RAET1E: variants seen among roughly 807,000 people sequenced by gnomAD.
RAET1E encodes the protein NKG2D ligand 4.
A neutral mutation model predicts 21.1 loss-of-function variants in RAET1E; 27 were observed. That is an observed-to-expected ratio of 1.28 (90% CI 0.94 to 1.76). RAET1E has a LOEUF of 1.76. Among genes scored for constraint, RAET1E ranks in the 40% most tolerant of loss-of-function variants. The pLI is 0.00. For synonymous variants in RAET1E, 113 were observed against 115.0 expected (o/e 0.98, Z 0.11); for missense variants, 310 against 311.3 (o/e 1.00, Z 0.03).
chr6:149,889,734 A>C (rs72997552), intron 4 of RAET1E, 111 bp from the exon 5 acceptor site: 33 of 1,503,948 alleles, frequency 2.2e-5, no homozygotes, highest in Non-Finnish European at 2.9e-5. Context: ...TTCTGCCCAG[A>C]CTTGCCCTTT....
At chr6:149,895,557 C>T (rs907652017) in intron 2 of RAET1E, 10 of 152,242 alleles carry the variant, frequency 6.6e-5, no homozygotes, top group African/African-American at 2.2e-4. Flanking sequence ...TTGTAATAGA[C>T]TCCAGCAGTC....
chr6:149,888,727 A>C, intron 5 of RAET1E, 60 bp from the exon 6 acceptor site: 1 of 1,533,444 alleles, frequency 6.5e-7, no homozygotes. Flanking sequence ...AAAAAAAAGC[A>C]TAAAAATATG....
intron 1 of RAET1E, among the ~76,000 whole-genome samples, chr6:149,896,870 G>T (rs7755896): frequency 0.013 from 1,929 of 152,152 alleles, 35 homozygotes; most frequent in African/African-American, 0.044. Flanking sequence ...TATACAGAAA[G>T]GGGAAAGGGG....
In RAET1E at chr6:149,888,391, T is replaced by A. The variant is rs141029103; in HGVS notation, c.*107A>T. The A allele has an allele frequency of 9.0e-5, 120 of 1,340,532 alleles. No homozygotes were observed. Among genetic ancestry groups the A allele is most frequent in the Non-Finnish European group, 1.2e-4 (112 of 959,580 alleles). The allele number at this position is 1,340,532 out of a possible 1,614,324, so 83.0% of individuals were successfully genotyped here. ...GTGCTGCCAGCCCTGCTGTGTAGTGTGGGGGCTCAAGACTAAGGCAGTGCA... is the reference window on the plus strand; with the variant it reads ...GTGCTGCCAGCCCTGCTGTGTAGTGAGGGGGCTCAAGACTAAGGCAGTGCA... On this transcript the variant is annotated 3_prime_UTR_variant, in exon 6 of 6. Coordinates refer to ENST00000357183, the MANE Select transcript of RAET1E (RefSeq NM_001394057.1).
Position 149,885,181 on chromosome 6 carries a change from T to C in RAET1E, c.*3317A>G, listed in dbSNP as rs960981246. ...AATTGTGTCTTGCCCACCCTCTGTG[T>C]TTCTGTCCATCAGACCACCCATCAC... On this transcript the variant is annotated 3_prime_UTR_variant, in exon 6 of 6. Coordinates refer to ENST00000357183, the MANE Select transcript of RAET1E (RefSeq NM_001394057.1). 6.6e-6 allele frequency among the ~76,000 whole-genome samples: 1 copy of C among 152,128 alleles called. No homozygotes were observed. Among genetic ancestry groups the C allele is most frequent in the Non-Finnish European group, 1.5e-5 (1 of 68,010 alleles).
chr6:149,890,930 G>C lies in RAET1E; in HGVS notation c.-29C>G. 1 of 1,487,030 alleles carries C rather than the reference G, an allele frequency of 6.7e-7. No homozygotes were observed. The highest frequency in any genetic ancestry group is 9.4e-7 in the Non-Finnish European group (1 of 1,066,122). 92.1% of individuals were successfully genotyped at this position (1,487,030 alleles called of 1,614,324 possible). A position where few individuals can be genotyped will look rare whatever the true frequency, so the allele number is the denominator to read the frequency against. Reference sequence around the variant, plus strand: ...GTGGAGAGTAACAGGCAGGAAGCTGGGCGTGTACACATTCACCCTCACTGG... The same window carrying C: ...GTGGAGAGTAACAGGCAGGAAGCTGCGCGTGTACACATTCACCCTCACTGG... On this transcript the variant is annotated 5_prime_UTR_variant, in exon 3 of 6. Transcript: ENST00000357183.
chr6:149,889,812 C>G (rs569948900), intron 4 of RAET1E, 73 bp downstream of exon 4: 1 of 1,548,426 alleles, frequency 6.5e-7, no homozygotes, highest in Non-Finnish European at 8.8e-7. Flanking sequence ...TACCTAAAGC[C>G]CCTCCCCATC....
At position 149,885,942 on chromosome 6, in the gene RAET1E, A is replaced by C. The variant is rs1413099009; in HGVS notation, c.*2556T>G. 6.6e-6 allele frequency among the ~76,000 whole-genome samples: 1 copy of C among 152,220 alleles called. No homozygotes were observed. The highest frequency in any genetic ancestry group is 1.5e-5 in the Non-Finnish European group (1 of 68,036). On this transcript the variant is annotated 3_prime_UTR_variant, in exon 6 of 6. Coordinates refer to ENST00000357183, the MANE Select transcript of RAET1E (RefSeq NM_001394057.1). ...AATTTTTCTGTGGTCAGAGTTTCTG[A>C]GCTACGAGTGGGGGTAGTTAATTCT...
At position 149,888,676 on chromosome 6, in the gene RAET1E, A is replaced by AAAAG; in HGVS notation, c.623-10_623-9insCTTT. ...AGCATTTACTGGTGACACTAAAAAA[A>AAAAG]AAAAAAAAAAGAAAAAAAAGCACAA... On this transcript the variant is annotated splice_polypyrimidine_tract_variant and intron_variant, in intron 5 of 5. Coordinates refer to ENST00000357183, the MANE Select transcript of RAET1E (RefSeq NM_001394057.1). The AAAAG allele has an allele frequency of 6.4e-7, 1 of 1,558,874 alleles. No homozygotes were observed. The highest frequency in any genetic ancestry group is 8.6e-7 in the Non-Finnish European group (1 of 1,164,854).
At position 149,883,918 on chromosome 6, in the gene RAET1E, A is replaced by G. The variant is rs2225697; in HGVS notation, c.*4580T>C. On this transcript the variant is annotated 3_prime_UTR_variant, in exon 6 of 6. Transcript: ENST00000357183. ...AAACTGCCTCACAAATGATTATACTACCTCTCAAATAATTTCCAACAACTC... is the reference window on the plus strand; with the variant it reads ...AAACTGCCTCACAAATGATTATACTGCCTCTCAAATAATTTCCAACAACTC... 0.048 allele frequency: 7,345 copies of G among 153,322 alleles called. 621 individuals carry two copies. The highest frequency in any genetic ancestry group is 0.17 in the African/African-American group (6,928 of 41,488). The allele number at this position is 153,322 out of a possible 1,614,324, so 9.5% of individuals were successfully genotyped here.
At chr6:149,897,854 C>G (rs542454347) in intron 1 of RAET1E, among the ~76,000 whole-genome samples, 167 bp downstream of exon 1, 1 of 152,094 alleles carries the variant, frequency 6.6e-6, no homozygotes, top group East Asian at 1.9e-4. Flanking sequence ...CCTTATCCAG[C>G]GTCCCCGCCG....
chr6:149,889,970 C>T lies in RAET1E; in HGVS notation c.261G>A (p.Trp87Ter), dbSNP rs1308105268. 1 of 1,614,140 alleles carries T rather than the reference C, an allele frequency of 6.2e-7. No homozygotes were observed. Among genetic ancestry groups the T allele is most frequent in the African/African-American group, 1.3e-5 (1 of 75,020 alleles). The part of the protein sequence containing the change: ...LGKKVYATST[W>*]GELTQTLGEV... ...CTCCCAGCGTTTGGGTCAATTCTCC[C>T]CAAGTGCTGGTGGCATATACCTTCT... Residue 87 changes from tryptophan (W) to a stop codon, truncating the protein, a stop_gained, in exon 4 of 6, where the codon TGG (tryptophan) becomes TGA (stop). Transcript: ENST00000357183. LOFTEE classifies it high-confidence loss of function.
rs766169425 is a variant in RAET1E, at chr6:149,885,088, A to T, written c.*3410T>A. On this transcript the variant is annotated 3_prime_UTR_variant, in exon 6 of 6. Coordinates refer to ENST00000357183, the MANE Select transcript of RAET1E (RefSeq NM_001394057.1). ...TAGGAATTAAACCTAGAGACCCCTC[A>T]ACCTTTGGCATGTGATATACTTTCC... Among the ~76,000 whole-genome samples, 1 of 152,106 alleles carries T rather than the reference A, an allele frequency of 6.6e-6. No individual in the cohort carries two copies. The highest frequency in any genetic ancestry group is 1.5e-5 in the Non-Finnish European group (1 of 68,014).
At chr6:149,889,647 C>T (rs1313510786) in intron 4 of RAET1E, 24 bp from the exon 5 acceptor site, 1 of 1,611,848 alleles carries the variant, frequency 6.2e-7, no homozygotes, top group Admixed American at 1.7e-5. Flanking sequence ...ACAAAGCCAT[C>T]ATCCTCCACT....
chr6:149,889,063 T>A, intron 5 of RAET1E: 1 of 1,376,186 alleles, frequency 7.3e-7, no homozygotes, highest in Non-Finnish European at 9.4e-7. Context: ...AAGGCCTGGA[T>A]GTTTGCAATG....
rs984109810 is a variant in RAET1E, at chr6:149,890,832, A to G, written c.70T>C (p.Leu24=). 6.2e-7 allele frequency: 1 copy of G among 1,612,434 alleles called. No homozygotes were observed. The change falls in exon 3 of 6, where the codon TTG becomes CTG. Residue 24 remains leucine (L), a synonymous_variant. Coordinates refer to ENST00000357183, the MANE Select transcript of RAET1E (RefSeq NM_001394057.1). ...GGACACTCACCAACCATGATCTCCA[A>G]GGCTATTAGTAGCAACAGCAGAAAC... ...LLFLLLLLIA[L]EIMVGGHSLC...
chr6:149,884,481 A>G lies in RAET1E; in HGVS notation c.*4017T>C, dbSNP rs1278582439. ...GTGAACAACTCTGCGCCGCCGTGGT[A>G]TCACCTCTAGGTGGATCTTCTGCCT... is the stretch of plus-strand genomic sequence containing the variant. On this transcript the variant is annotated 3_prime_UTR_variant, in exon 6 of 6. Coordinates refer to ENST00000357183, the MANE Select transcript of RAET1E (RefSeq NM_001394057.1). 4.6e-6 allele frequency: 7 copies of G among 1,535,856 alleles called. No individual in the cohort carries two copies. Among genetic ancestry groups the G allele is most frequent in the Non-Finnish European group, 5.2e-6 (6 of 1,146,812 alleles).
At chr6:149,891,726 A>G (rs553052213) in intron 2 of RAET1E, among the ~76,000 whole-genome samples, 1,899 of 152,050 alleles carry the variant, frequency 0.012, 36 homozygotes, top group African/African-American at 0.043. Flanking sequence ...ATCTCTACAA[A>G]AAAAAATTTT....
In RAET1E at chr6:149,889,603, C is replaced by G. The variant is rs748325801; in HGVS notation, c.367G>C (p.Glu123Gln). 7 of 1,614,052 alleles carry G rather than the reference C, an allele frequency of 4.3e-6. No homozygotes were observed. The highest frequency in any genetic ancestry group is 5.9e-6 in the Non-Finnish European group (7 of 1,180,028). ...TCTGCTTCACGTTGACAAAACATCT[C>G]GACTTGCAGAGTGGAAGGATCTGCA... ...KTSDPSTLQV[E>Q]MFCQREAERC... Residue 123 changes from glutamate (E) to glutamine (Q), a missense_variant, in exon 5 of 6, where the codon GAG becomes CAG. Physicochemically the swap from Glu to Gln is conservative, Grantham distance 29. Transcript: ENST00000357183.
Sources: allele counts gnomAD v4.1 joint callset (sites outside exome capture counted in the v4.1 genomes callset), GRCh38; gene constraint gnomAD v4.1.1; transcripts MANE v1.5; gene names NCBI Gene and HGNC (gene_info 2026-07-23, HGNC 2026-07-21).